SGK3: variants seen among roughly 807,000 people sequenced by gnomAD.
The protein encoded by SGK3 is serum/glucocorticoid regulated kinase family member 3, also known as serine/threonine-protein kinase Sgk3.
In SGK3, 47 loss-of-function variants were observed where a neutral mutation model predicts 68.5. The ratio of observed to expected loss-of-function variants is 0.69; its 90% CI spans 0.54 to 0.87. The LOEUF (loss-of-function observed/expected upper bound fraction) is 0.87, where lower values mean the gene tolerates loss of function less well. Among genes scored for constraint, SGK3 ranks in the 40% least tolerant of loss-of-function variants. The pLI is 0.00. For synonymous variants in SGK3, 181 were observed against 189.1 expected (o/e 0.96, Z 0.35); for missense variants, 479 against 575.5 (o/e 0.83, Z 1.72).
Position 66,744,483 on chromosome 8 carries a change from G to GTATA in SGK3, c.-122+31684_-122+31687dup, listed in dbSNP as rs869176585. On this transcript the variant is annotated intron_variant, in intron 1 of 16. Coordinates refer to ENST00000521198, the MANE Select transcript of SGK3 (RefSeq NM_001033578.3). ...TATATATGCATATATGTGTGTGTGT[G>GTATA]TATATATATATATATATATATATAT... Among the ~76,000 whole-genome samples, 404 of 40,686 alleles carry GTATA rather than the reference G, an allele frequency of 9.9e-3. 6 individuals are homozygous for GTATA. The highest frequency in any genetic ancestry group is 0.028 in the Middle Eastern group (1 of 36). The allele number at this position is 40,686 out of a possible 152,430, so 26.7% of individuals were successfully genotyped here. A position where few individuals can be genotyped will look rare whatever the true frequency, so the allele number is the denominator to read the frequency against.
At chr8:66,755,866 C>T (rs1313684457) in intron 1 of SGK3, among the ~76,000 whole-genome samples, 3 of 152,122 alleles carry the variant, frequency 2.0e-5, no homozygotes, top group Admixed American at 1.3e-4. Context: ...GGGACCTTCA[C>T]TTAAGTCAGG....
intron 1 of SGK3, among the ~76,000 whole-genome samples, chr8:66,780,521 G>A (rs1806929635): frequency 6.6e-6 from 1 of 152,188 alleles, no homozygotes; most frequent in Admixed American, 6.5e-5. Flanking sequence ...TGGAAGAAGT[G>A]ACTTTTGAAC....
intron 1 of SGK3, among the ~76,000 whole-genome samples, chr8:66,736,827 C>G (rs564896235): frequency 6.6e-6 from 1 of 152,080 alleles, no homozygotes; most frequent in East Asian, 1.9e-4. Context: ...CCATGTTGGT[C>G]AGGCTGGTCT....
intron 1 of SGK3, among the ~76,000 whole-genome samples, chr8:66,742,821 G>A (rs952040592): frequency 6.6e-6 from 1 of 152,018 alleles, no homozygotes; most frequent in African/African-American, 2.4e-5. Flanking sequence ...TCAGCATATT[G>A]GTCAAGTCTA....
At chr8:66,858,513 A>G (rs1810618001) in intron 16 of SGK3, among the ~76,000 whole-genome samples, 1 of 151,900 alleles carries the variant, frequency 6.6e-6, no homozygotes. Flanking sequence ...CCTACCTGAG[A>G]CCTTTTTCTA....
chr8:66,837,689 T>C (rs1358324767), intron 10 of SGK3, among the ~76,000 whole-genome samples: 3 of 151,954 alleles, frequency 2.0e-5, no homozygotes, highest in Non-Finnish European at 4.4e-5. Context: ...GAGGCTGAGG[T>C]GGGAGGATTG....
At chr8:66,828,619 A>T (rs1563649161) in intron 6 of SGK3, 35 bp from the exon 7 acceptor site, 4 of 1,613,044 alleles carry the variant, frequency 2.5e-6, no homozygotes, top group Non-Finnish European at 3.4e-6. Context: ...TGAAGCTCCA[A>T]TAAGAATGTT....
intron 16 of SGK3, among the ~76,000 whole-genome samples, chr8:66,857,530 T>A (rs1313177280): frequency 1.3e-5 from 2 of 151,996 alleles, no homozygotes; most frequent in African/African-American, 4.8e-5. Flanking sequence ...GGCTGTAATC[T>A]CAACACTTTG....
At chr8:66,729,406 A>C (rs1009061675) in intron 1 of SGK3, among the ~76,000 whole-genome samples, 4 of 151,646 alleles carry the variant, frequency 2.6e-5, no homozygotes, top group African/African-American at 9.7e-5. Flanking sequence ...CAGTGAGCCG[A>C]GATCGCGCCA....
At chr8:66,721,490 G>A (rs780544424) in intron 1 of SGK3, among the ~76,000 whole-genome samples, 5 of 152,120 alleles carry the variant, frequency 3.3e-5, no homozygotes, top group Non-Finnish European at 4.4e-5. Flanking sequence ...CTTTAAGAAG[G>A]AAAAGGAAAG....
At chr8:66,739,747 A>G (rs1805426722) in intron 1 of SGK3, among the ~76,000 whole-genome samples, 1 of 152,214 alleles carries the variant, frequency 6.6e-6, no homozygotes, top group Non-Finnish European at 1.5e-5. Flanking sequence ...ACAGTTCAGC[A>G]TGGCTGGGAG....
intron 1 of SGK3, among the ~76,000 whole-genome samples, chr8:66,779,601 T>TATATATATATATAA (rs1554598086): frequency 9.6e-6 from 1 of 104,110 alleles, no homozygotes; most frequent in Non-Finnish European, 1.9e-5. Context: ...TATATATATA[T>TATATATATATATAA]AAAACACATT....
intron 1 of SGK3, among the ~76,000 whole-genome samples, chr8:66,759,214 T>C (rs2130454878): frequency 6.6e-6 from 1 of 151,790 alleles, no homozygotes; most frequent in South Asian, 2.1e-4. Context: ...GCCTCCCAAG[T>C]AGCTGGGACT....
chr8:66,759,221 G>GTAACAGAGTGAGACTCTCTCTAAAAAA (rs1563612981), intron 1 of SGK3, among the ~76,000 whole-genome samples: 1 of 151,602 alleles, frequency 6.6e-6, no homozygotes, highest in African/African-American at 2.4e-5. Flanking sequence ...AAGTAGCTGG[G>GTAACAGAGTGAGACTCTCTCTAAAAAA]ACTACAGGTG....
intron 1 of SGK3, among the ~76,000 whole-genome samples, chr8:66,753,002 C>T (rs1563610085): frequency 6.6e-6 from 1 of 152,056 alleles, no homozygotes; most frequent in African/African-American, 2.4e-5. Flanking sequence ...AGGTGTGAGC[C>T]ACCATGCCTG....
chr8:66,851,949 A>T (rs1464109939), intron 16 of SGK3, among the ~76,000 whole-genome samples: 20 of 152,184 alleles, frequency 1.3e-4, no homozygotes, highest in Non-Finnish European at 4.4e-5. Context: ...ATAAATGAGG[A>T]AATAGAAGCT....
intron 1 of SGK3, among the ~76,000 whole-genome samples, chr8:66,736,971 C>A (rs1163546102): frequency 1.3e-5 from 2 of 151,666 alleles, no homozygotes; most frequent in Non-Finnish European, 1.5e-5. Flanking sequence ...AGAGAAGAGG[C>A]CTTGCTATGT....
intron 8 of SGK3, among the ~76,000 whole-genome samples, chr8:66,832,404 C>T (rs771750737): frequency 2.6e-5 from 4 of 152,052 alleles, no homozygotes; most frequent in Non-Finnish European, 5.9e-5. Context: ...AGTTTGTTTT[C>T]TGGGTTTCCT....
chr8:66,723,110 T>C (rs1804854283), intron 1 of SGK3, among the ~76,000 whole-genome samples: 1 of 47,758 alleles, frequency 2.1e-5, no homozygotes, highest in African/African-American at 8.6e-5. Flanking sequence ...TATATATATA[T>C]ATATATATAT....
Sources: allele counts gnomAD v4.1 joint callset (sites outside exome capture counted in the v4.1 genomes callset), GRCh38; gene constraint gnomAD v4.1.1; transcripts MANE v1.5; gene names NCBI Gene and HGNC (gene_info 2026-07-23, HGNC 2026-07-21).